LAMA4: variants seen among roughly 807,000 people sequenced by gnomAD.
LAMA4 encodes laminin subunit alpha-4.
A neutral mutation model predicts 207.1 loss-of-function variants in LAMA4; 127 were observed. The ratio of observed to expected loss-of-function variants is 0.61; its 90% CI spans 0.53 to 0.71. The LOEUF (loss-of-function observed/expected upper bound fraction) is 0.71. Ranked by LOEUF, LAMA4 falls within the 30% of genes least tolerant of loss-of-function variation. The pLI, the probability that LAMA4 is intolerant of heterozygous loss-of-function variation, is 0.00. For missense variants in LAMA4, 2,093 were observed against 2,246.5 expected (o/e 0.93, Z 1.38); for synonymous variants, 761 against 816.0 (o/e 0.93, Z 1.15).
At position 112,254,145 on chromosome 6, in the gene LAMA4, A is replaced by T. The variant is rs1554190600; in HGVS notation, c.6T>A (p.Ala2=). 6.2e-7 allele frequency: 1 copy of T among 1,612,890 alleles called. No individual in the cohort carries two copies. Among genetic ancestry groups the T allele is most frequent in the Admixed American group, 1.7e-5 (1 of 60,018 alleles). M[A]LSSAWRSVLP... ...GAACCGAGCGCCAGGCTGAGCTCAA[A>T]GCCATTTCTCCGCTGACATCCAGTA... Residue 2 remains alanine (A), a synonymous_variant, in exon 2 of 39, where the codon GCT becomes GCA. Coordinates refer to ENST00000230538, the MANE Select transcript of LAMA4 (RefSeq NM_001105206.3).
intron 16 of LAMA4, 32 bp downstream of exon 16, chr6:112,154,819 T>A (rs1554336494): frequency 1.5e-6 from 2 of 1,322,358 alleles, no homozygotes; most frequent in Non-Finnish European, 2.2e-6. Flanking sequence ...AGCTATAAAT[T>A]AGAAAGGAGA....
At chr6:112,208,576 G>GA (rs1176062445) in intron 3 of LAMA4, among the ~76,000 whole-genome samples, 14 of 152,152 alleles carry the variant, frequency 9.2e-5, no homozygotes, top group African/African-American at 3.4e-4. Flanking sequence ...TCTGGCTCCA[G>GA]AAGTGAACTT....
chr6:112,243,242 C>A (rs1476827501), intron 2 of LAMA4, among the ~76,000 whole-genome samples: 2 of 152,164 alleles, frequency 1.3e-5, no homozygotes, highest in Admixed American at 1.3e-4. Flanking sequence ...GCAGATCAGC[C>A]CCAGCCCCAC....
chr6:112,157,326 A>T (rs950361383), intron 14 of LAMA4, among the ~76,000 whole-genome samples: 2 of 152,202 alleles, frequency 1.3e-5, no homozygotes, highest in Non-Finnish European at 2.9e-5. Context: ...TTTTAATACT[A>T]GGCACAGAAC....
chr6:112,117,625 T>C lies in LAMA4; in HGVS notation c.4981+114A>G, dbSNP rs115017462. 1,716 of 1,047,654 alleles carry C rather than the reference T, an allele frequency of 1.6e-3. 16 individuals are homozygous for C. In the African/African-American group the frequency reaches 0.025, roughly 15 times the overall value. 64.9% of individuals were successfully genotyped at this position (1,047,654 alleles called of 1,614,324 possible). On this transcript the variant is annotated intron_variant, in intron 35 of 38. Coordinates refer to ENST00000230538, the MANE Select transcript of LAMA4 (RefSeq NM_001105206.3). The surrounding 1 kb of genome is among the most constrained non-coding windows in gnomAD (Gnocchi z 4.5). ...GTGGTTCTTGTGGGAAGAGGTCATC[T>C]TCTAGGGCTGAGTTTGGCATTCTTA...
chr6:112,189,225 G>A lies in LAMA4; in HGVS notation c.719-20C>T. 1 of 1,576,050 alleles carries A rather than the reference G, an allele frequency of 6.3e-7. No individual in the cohort carries two copies. On this transcript the variant is annotated intron_variant, in intron 6 of 38. Transcript: ENST00000230538. Reference sequence around the variant, plus strand: ...TGCACACTGTGGGAAACAAAAACAAGAGACGAGAAATGCACTTCTTAATGC... The same window carrying A: ...TGCACACTGTGGGAAACAAAAACAAAAGACGAGAAATGCACTTCTTAATGC...
At chr6:112,166,959 G>GTA (rs1562685211) in intron 12 of LAMA4, among the ~76,000 whole-genome samples, 1 of 152,114 alleles carries the variant, frequency 6.6e-6, no homozygotes, top group Non-Finnish European at 1.5e-5. Context: ...TAAAGCTTGG[G>GTA]TATATAGTAA....
Position 112,133,467 on chromosome 6 carries a change from G to A in LAMA4, c.3578C>T (p.Pro1193Leu). The change falls in exon 27 of 39, where the codon CCC becomes CTC. Residue 1193 changes from proline to leucine, a missense_variant. Physicochemically the swap from Pro to Leu is moderately conservative, Grantham distance 98 (BLOSUM62 -3). This residue lies in a region of LAMA4 where 1,704 missense variants were observed against 1,788.4 expected (regional missense o/e 0.95). Transcript: ENST00000230538. ...GCATCCTCTGAAGTTGATATCTAGGGGAAGGTGTGCTCTGAGGGCCCTGGA... is the reference window on the plus strand; with the variant it reads ...GCATCCTCTGAAGTTGATATCTAGGAGAAGGTGTGCTCTGAGGGCCCTGGA... ...LQSRALRAHL[P>L]LDINFRGCMK... The A allele has an allele frequency of 6.2e-7, 1 of 1,613,628 alleles. No individual in the cohort carries two copies. Among genetic ancestry groups the A allele is most frequent in the Non-Finnish European group, 8.5e-7 (1 of 1,179,688 alleles).
At chr6:112,113,388 A>G (rs1777818661) in intron 38 of LAMA4, among the ~76,000 whole-genome samples, 1 of 152,222 alleles carries the variant, frequency 6.6e-6, no homozygotes, top group Non-Finnish European at 1.5e-5. Flanking sequence ...CAGCCATAGC[A>G]TTCAGGTTTT....
chr6:112,187,715 C>A, intron 7 of LAMA4, 114 bp from the exon 8 acceptor site: 2 of 1,048,438 alleles, frequency 1.9e-6, no homozygotes, highest in South Asian at 1.4e-5. Context: ...ATTTTTGTCT[C>A]ATGAAGAGCT....
At chr6:112,129,402 A>G (rs1554328833) in intron 30 of LAMA4, among the ~76,000 whole-genome samples, 2 of 152,140 alleles carry the variant, frequency 1.3e-5, no homozygotes, top group African/African-American at 2.4e-5. Flanking sequence ...CTTGTACTCA[A>G]GGAACCCCTA....
At chr6:112,246,626 T>C (rs954672327) in intron 2 of LAMA4, among the ~76,000 whole-genome samples, 5 of 151,642 alleles carry the variant, frequency 3.3e-5, no homozygotes, top group Non-Finnish European at 7.4e-5. Context: ...GTTCAAGGAA[T>C]TCTCTGCTTC....
chr6:112,151,539 A>G (rs1780405109), intron 16 of LAMA4, among the ~76,000 whole-genome samples: 1 of 152,108 alleles, frequency 6.6e-6, no homozygotes, highest in African/African-American at 2.4e-5. Context: ...TTATATATAA[A>G]TTCTTGTTTA....
intron 6 of LAMA4, among the ~76,000 whole-genome samples, chr6:112,190,960 C>CTT (rs782779187): frequency 2.4e-5 from 3 of 122,888 alleles, no homozygotes; most frequent in African/African-American, 9.7e-5. Flanking sequence ...TTCTTTCTTT[C>CTT]TTTCTTTCTT....
rs1554325274 is a variant in LAMA4, at chr6:112,119,287, T to A, written c.4690A>T (p.Ser1564Cys). The change falls in exon 34 of 39, where the codon AGT becomes TGT. Residue 1564 changes from serine (S) to cysteine (C), a missense_variant. Physicochemically the swap from Ser to Cys is moderately radical, Grantham distance 112 (BLOSUM62 -1). Transcript: ENST00000230538. ...HDVIFIRERSSGRLVIDGLRV... is the reference protein window; with the variant it reads ...HDVIFIRERSCGRLVIDGLRV... ...AGACCATCAATTACCAGTCGGCCAC[T>A]GCTCCTTTCTCGAATAAATATCACC... 1 of 1,614,024 alleles carries A rather than the reference T, an allele frequency of 6.2e-7. No homozygotes were observed. The highest frequency in any genetic ancestry group is 1.1e-5 in the South Asian group (1 of 91,082).
intron 3 of LAMA4, chr6:112,213,747 A>G: frequency 3.1e-6 from 1 of 319,782 alleles, no homozygotes; most frequent in East Asian, 4.9e-5. Context: ...TTTTAATTTC[A>G]AATTGACATT....
In LAMA4 at chr6:112,141,332, T is replaced by A. The variant is rs1779679991; in HGVS notation, c.2813+26A>T. 6.2e-6 allele frequency: 10 copies of A among 1,611,620 alleles called. 1 individual carries two copies. The highest frequency in any genetic ancestry group is 8.5e-6 in the Non-Finnish European group (10 of 1,177,682). ...AGGTTTCTTGTGATATGTGCATATA[T>A]GCCCTGTGTCATGGATTCACTGTAC... is the stretch of plus-strand genomic sequence containing the variant. On this transcript the variant is annotated intron_variant, in intron 21 of 38. Transcript: ENST00000230538.
chr6:112,155,507 G>A, intron 15 of LAMA4, 58 bp downstream of exon 15: 1 of 1,589,486 alleles, frequency 6.3e-7, no homozygotes, highest in Non-Finnish European at 8.6e-7. Context: ...GATGACATCA[G>A]AAAACAGAAA....
chr6:112,144,706 C>T, intron 19 of LAMA4, 88 bp downstream of exon 19: 1 of 1,469,704 alleles, frequency 6.8e-7, no homozygotes, highest in Non-Finnish European at 9.4e-7. Flanking sequence ...GCAGAAAGGT[C>T]CAGGCTCTGG....
Sources: gnomAD v4.1 joint callset for allele counts (sites outside exome capture counted in the v4.1 genomes callset) on GRCh38, gnomAD v4.1.1 for gene constraint, gnomAD v4.1.1 regional missense constraint, Gnocchi (gnomAD v3.1) non-coding constraint, MANE v1.5 for transcripts, NCBI Gene and HGNC (gene_info 2026-07-23, HGNC 2026-07-21) for gene names.